GRB14: variants seen among roughly 807,000 people sequenced by gnomAD.
GRB14 encodes growth factor receptor-bound protein 14.
In GRB14, 38 loss-of-function variants were observed where a neutral mutation model predicts 69.1. The observed-to-expected ratio is 0.55, with a 90% CI of 0.42 to 0.72. The LOEUF (loss-of-function observed/expected upper bound fraction) is 0.72. Among genes scored for constraint, GRB14 ranks in the 30% least tolerant of loss-of-function variants. The pLI is 0.00. For missense variants in GRB14, 666 were observed against 666.1 expected, an observed-to-expected ratio of 1.00 and a Z score of 0.00; for synonymous variants, 247 against 241.3, an observed-to-expected ratio of 1.02 and a Z score of -0.22.
At chr2:164,509,975 A>G (rs1444430108) in intron 6 of GRB14, among the ~76,000 whole-genome samples, 2 of 152,174 alleles carry the variant, frequency 1.3e-5, no homozygotes, top group African/African-American at 2.4e-5. Flanking sequence ...AATCGAATGA[A>G]TGACTGTAGT....
chr2:164,498,006 T>G (rs1183998389), intron 9 of GRB14, among the ~76,000 whole-genome samples: 1 of 152,194 alleles, frequency 6.6e-6, no homozygotes, highest in African/African-American at 2.4e-5. Flanking sequence ...GATTGACATA[T>G]ATCTCTTGAG....
At chr2:164,539,381 G>T (rs562241248) in intron 3 of GRB14, among the ~76,000 whole-genome samples, 1 of 151,762 alleles carries the variant, frequency 6.6e-6, no homozygotes, top group African/African-American at 2.4e-5. Context: ...AGTCTGAGGC[G>T]CAAGAATCAC....
intron 2 of GRB14, among the ~76,000 whole-genome samples, chr2:164,549,439 C>T (rs1321821861): frequency 2.0e-5 from 3 of 152,136 alleles, no homozygotes; most frequent in African/African-American, 7.2e-5. Flanking sequence ...CTATCCAAGA[C>T]TTGTTTATGT....
rs150533910 is a variant in GRB14, at chr2:164,531,003, G to T, written c.482-3868C>A. 2.4e-3 allele frequency among the ~76,000 whole-genome samples: 360 copies of T among 152,188 alleles called. 2 individuals carry two copies. The highest frequency in any genetic ancestry group is 8.4e-3 in the African/African-American group (347 of 41,504). On this transcript the variant is annotated intron_variant, in intron 3 of 13. Coordinates refer to ENST00000263915, the MANE Select transcript of GRB14 (RefSeq NM_004490.3). ...CATTAGCATGGTAGCAGTTGATGTGGTTAAAAAAAATACACAGAATCTTGA... is the reference window on the plus strand; with the variant it reads ...CATTAGCATGGTAGCAGTTGATGTGTTTAAAAAAAATACACAGAATCTTGA...
At chr2:164,549,566 T>C (rs77199285) in intron 2 of GRB14, among the ~76,000 whole-genome samples, 594 of 152,230 alleles carry the variant, frequency 3.9e-3, no homozygotes, top group African/African-American at 0.013. Flanking sequence ...GCTATGTATC[T>C]CTTATCAATA....
intron 2 of GRB14, among the ~76,000 whole-genome samples, chr2:164,568,821 T>G (rs1418577561): frequency 6.6e-6 from 1 of 152,136 alleles, no homozygotes; most frequent in Non-Finnish European, 1.5e-5. Context: ...TGAACTAAAT[T>G]TACTTATGCT....
rs1687789863 is a variant in GRB14 at position 164,527,011 on chromosome 2, T to C, written c.603+3A>G. 6.4e-7 allele frequency: 1 copy of C among 1,571,538 alleles called. No homozygotes were observed. The highest frequency in any genetic ancestry group is 1.2e-5 in the South Asian group (1 of 86,806). ...CGTAACTATTAGGAGGGATTTCACT[T>C]ACCATTGGGTTTTTAAAGAACTCAT... On this transcript the variant is annotated splice_donor_region_variant and intron_variant, in intron 4 of 13. Coordinates refer to ENST00000263915, the MANE Select transcript of GRB14 (RefSeq NM_004490.3).
In GRB14 at chr2:164,505,317, T is replaced by G. The variant is rs374949263; in HGVS notation, c.1024-2982A>C. ...AAATGGAAGAATTAAAGAAAGCTTT[T>G]AGTGTATTTCACCCATTTTTAGATG... is the stretch of plus-strand genomic sequence containing the variant. On this transcript the variant is annotated intron_variant, in intron 8 of 13. Coordinates refer to ENST00000263915, the MANE Select transcript of GRB14 (RefSeq NM_004490.3). Among the ~76,000 whole-genome samples, 67 of 151,552 alleles carry G rather than the reference T, an allele frequency of 4.4e-4. No individual in the cohort carries two copies. The East Asian group carries it at 8.7e-3, about 20-fold the overall frequency.
intron 2 of GRB14, among the ~76,000 whole-genome samples, chr2:164,601,301 A>C (rs1689907449): frequency 6.6e-6 from 1 of 152,140 alleles, no homozygotes; most frequent in South Asian, 2.1e-4. Context: ...AGGATTTTTG[A>C]TATTTCATAA....
At chr2:164,497,179 T>C (rs1686923362) in intron 11 of GRB14, 32 bp downstream of exon 11, 1 of 1,599,720 alleles carries the variant, frequency 6.3e-7, no homozygotes, top group African/African-American at 1.3e-5. Context: ...TCTATCCGTC[T>C]ACTCAGTGGC....
At chr2:164,596,330 AG>A (rs1428374828) in intron 2 of GRB14, among the ~76,000 whole-genome samples, 10 of 152,338 alleles carry the variant, frequency 6.6e-5, no homozygotes, top group African/African-American at 2.2e-4. Context: ...TAAAGCAGTA[AG>A]GGTTGTTTTG....
chr2:164,509,188 C>T (rs574701875), intron 6 of GRB14, among the ~76,000 whole-genome samples: 1 of 152,320 alleles, frequency 6.6e-6, no homozygotes, highest in East Asian at 1.9e-4. Context: ...CTTTTGGAAA[C>T]GTATTCCTCA....
intron 3 of GRB14, among the ~76,000 whole-genome samples, chr2:164,536,217 C>G (rs1459437907): frequency 6.6e-6 from 1 of 152,072 alleles, no homozygotes; most frequent in Non-Finnish European, 1.5e-5. Context: ...GTCTTAGACC[C>G]TGGGTTACAA....
chr2:164,612,527 C>T (rs1690191443), intron 2 of GRB14, among the ~76,000 whole-genome samples: 1 of 152,208 alleles, frequency 6.6e-6, no homozygotes, highest in African/African-American at 2.4e-5. Flanking sequence ...TGGGGTCTCC[C>T]TTGAGCTGAC....
chr2:164,570,889 T>C (rs1173855001), intron 2 of GRB14, among the ~76,000 whole-genome samples: 1 of 152,220 alleles, frequency 6.6e-6, no homozygotes, highest in African/African-American at 2.4e-5. Context: ...TGTTTACGTG[T>C]GTGTGATAGG....
intron 2 of GRB14, among the ~76,000 whole-genome samples, chr2:164,581,239 C>A (rs1330986862): frequency 6.6e-6 from 1 of 152,160 alleles, no homozygotes; most frequent in Non-Finnish European, 1.5e-5. Flanking sequence ...GCCTTCACCC[C>A]ATGTCAGTGT....
rs1310256878 is a variant in GRB14 at position 164,570,239 on chromosome 2, T to C, written c.325-22423A>G. On this transcript the variant is annotated intron_variant, in intron 2 of 13. Coordinates refer to ENST00000263915, the MANE Select transcript of GRB14 (RefSeq NM_004490.3). ...TTGCAGTGAGCCGAGATCGCGCCACTGCACTCCAGCCTGGGTGACAGAGCA... is the reference window on the plus strand; with the variant it reads ...TTGCAGTGAGCCGAGATCGCGCCACCGCACTCCAGCCTGGGTGACAGAGCA... Among the ~76,000 whole-genome samples the C allele has an allele frequency of 4.6e-5, 6 of 130,416 alleles. No homozygotes were observed. In the Admixed American group the frequency reaches 5.5e-4, roughly 12 times the overall value. The allele number at this position is 130,416 out of a possible 152,430, so 85.6% of individuals were successfully genotyped here. A position where few individuals can be genotyped will look rare whatever the true frequency, so the allele number is the denominator to read the frequency against.
intron 6 of GRB14, among the ~76,000 whole-genome samples, chr2:164,517,974 C>T (rs1687539334): frequency 6.6e-6 from 1 of 152,058 alleles, no homozygotes; most frequent in Non-Finnish European, 1.5e-5. Flanking sequence ...GACAGAAGGT[C>T]AACAAAGAAA....
chr2:164,526,511 G>C (rs915765773), intron 4 of GRB14, among the ~76,000 whole-genome samples: 4 of 151,808 alleles, frequency 2.6e-5, no homozygotes, highest in African/African-American at 9.7e-5. Context: ...ATTTGGAATA[G>C]CAAGATTCAT....
Sources: gnomAD v4.1 joint callset for allele counts (sites outside exome capture counted in the v4.1 genomes callset) on GRCh38, gnomAD v4.1.1 for gene constraint, MANE v1.5 for transcripts, NCBI Gene and HGNC (gene_info 2026-07-23, HGNC 2026-07-21) for gene names.